EPHB2: variants seen among roughly 807,000 people sequenced by gnomAD.
The protein encoded by EPHB2 is EPH receptor B2.
EPHB2 carries 18 observed loss-of-function variants against 96.4 expected under a neutral mutation model. The observed-to-expected ratio is 0.19, with a 90% CI of 0.13 to 0.28. EPHB2 has a LOEUF of 0.28. Ranked by LOEUF, EPHB2 falls within the 10% of genes least tolerant of loss-of-function variation. The pLI is 1.00. For synonymous variants in EPHB2, 506 were observed against 534.1 expected (o/e 0.95, Z 0.72); for missense variants, 989 against 1,355.4 (o/e 0.73, Z 4.25).
chr1:22,790,615 G>T lies in EPHB2; in HGVS notation c.811+5539G>T, dbSNP rs1392789504. On this transcript the variant is annotated intron_variant, in intron 3 of 15. Transcript: ENST00000374630. This position sits in a 1 kb window ranked among gnomAD's most constrained non-coding sequence, Gnocchi z 4.0. ...CCTTGGTCTCTCCTTACCCACCTCA[G>T]TCCCACTTCTGCCTGCCCAGCAGGA... Among the ~76,000 whole-genome samples, 1 of 152,126 alleles carries T rather than the reference G, an allele frequency of 6.6e-6. No homozygotes were observed. The highest frequency in any genetic ancestry group is 2.4e-5 in the African/African-American group (1 of 41,408).
chr1:22,892,811 C>G, intron 6 of EPHB2, 73 bp from the exon 7 acceptor site: 1 of 1,593,956 alleles, frequency 6.3e-7, no homozygotes, highest in East Asian at 2.2e-5. Context: ...CCCAATGTGG[C>G]AGGAGCAGGC....
In EPHB2 at chr1:22,913,989, T is replaced by C. The variant is rs1640198741; in HGVS notation, c.*419T>C. The C allele has an allele frequency of 7.4e-7, 1 of 1,358,118 alleles. No homozygotes were observed. The highest frequency in any genetic ancestry group is 1.5e-5 in the African/African-American group (1 of 67,672). 84.1% of individuals were successfully genotyped at this position (1,358,118 alleles called of 1,614,324 possible). Reference sequence around the variant, plus strand: ...AGAAACACTTTCAGAAAAACAAATGTGAAGGGGAGAGACAGGGGCCGCCCT... The same window carrying C: ...AGAAACACTTTCAGAAAAACAAATGCGAAGGGGAGAGACAGGGGCCGCCCT... On this transcript the variant is annotated 3_prime_UTR_variant, in exon 16 of 16. Transcript: ENST00000374630. The surrounding 1 kb of genome is among the most constrained non-coding windows in gnomAD (Gnocchi z 4.1).
chr1:22,731,568 G>A (rs547511952), intron 1 of EPHB2, among the ~76,000 whole-genome samples: 30 of 152,284 alleles, frequency 2.0e-4, no homozygotes, highest in Non-Finnish European at 3.2e-4. Flanking sequence ...GGCTAGGCGC[G>A]GTGGCTCATG....
chr1:22,885,012 G>A (rs1639177947), intron 6 of EPHB2, among the ~76,000 whole-genome samples: 1 of 152,126 alleles, frequency 6.6e-6, no homozygotes, highest in South Asian at 2.1e-4. Flanking sequence ...AGGTACTCAA[G>A]AGCTGTTTGT....
intron 1 of EPHB2, among the ~76,000 whole-genome samples, chr1:22,760,154 C>G: frequency 6.6e-6 from 1 of 151,968 alleles, no homozygotes. Context: ...AGAGCATAAC[C>G]TGACTCAGTC....
intron 3 of EPHB2, among the ~76,000 whole-genome samples, chr1:22,795,094 C>T (rs1235768119): frequency 6.6e-6 from 1 of 152,192 alleles, no homozygotes; most frequent in Non-Finnish European, 1.5e-5. Flanking sequence ...TGGGCACCCC[C>T]GTCCCTGGGG....
At chr1:22,752,549 TAATAA>T (rs1396783091) in intron 1 of EPHB2, among the ~76,000 whole-genome samples, 4 of 149,930 alleles carry the variant, frequency 2.7e-5, no homozygotes, top group South Asian at 2.1e-4. Context: ...TAAAATAAAA[TAATAA>T]AATAAAATAT....
intron 3 of EPHB2, among the ~76,000 whole-genome samples, chr1:22,800,537 C>T (rs139031840): frequency 4.4e-4 from 67 of 152,300 alleles, no homozygotes; most frequent in African/African-American, 3.1e-4. Context: ...CTGTTGAGTA[C>T]GCTCACTGGG....
At chr1:22,831,240 A>G (rs911023097) in intron 3 of EPHB2, among the ~76,000 whole-genome samples, 4 of 152,180 alleles carry the variant, frequency 2.6e-5, no homozygotes, top group African/African-American at 7.2e-5. Context: ...GGTGATTTAT[A>G]TAGGGCAACT....
In EPHB2 at chr1:22,784,694, C is replaced by A; in HGVS notation, c.429C>A (p.Ala143=). Residue 143 remains alanine, a synonymous_variant, in exon 3 of 16, where the codon GCC becomes GCA. Coordinates refer to ENST00000374630, the MANE Select transcript of EPHB2 (RefSeq NM_017449.5). The surrounding 1 kb of genome is among the most constrained non-coding windows in gnomAD (Gnocchi z 5.1). ...GGGTGAAGGTGGATACCATTGCAGC[C>A]GACGAGAGCTTCTCCCAGGTGGACC... ...NPWVKVDTIA[A]DESFSQVDLG... is the part of the protein sequence containing the mutation. 1 of 1,613,940 alleles carries A rather than the reference C, an allele frequency of 6.2e-7. No homozygotes were observed. Among genetic ancestry groups the A allele is most frequent in the Non-Finnish European group, 8.5e-7 (1 of 1,180,024 alleles).
At position 22,893,051 on chromosome 1, in the gene EPHB2, G is replaced by A. The variant is rs2148566993; in HGVS notation, c.1591+5G>A. ...ACTTCCAGACCATGACAGAAGGTGA[G>A]CAGAGTCCAGCGGGCAAGAGGAGGG... On this transcript the variant is annotated splice_donor_5th_base_variant and intron_variant, in intron 7 of 15. Coordinates refer to ENST00000374630, the MANE Select transcript of EPHB2 (RefSeq NM_017449.5). The A allele has an allele frequency of 6.2e-7, 1 of 1,614,186 alleles. No individual in the cohort carries two copies. The highest frequency in any genetic ancestry group is 1.1e-5 in the South Asian group (1 of 91,070).
chr1:22,879,127 C>T (rs1638943796), intron 5 of EPHB2, among the ~76,000 whole-genome samples: 1 of 152,128 alleles, frequency 6.6e-6, no homozygotes, highest in East Asian at 1.9e-4. Flanking sequence ...GGGTGGGAGG[C>T]ATCTCTCCCA....
chr1:22,907,797 G>A (rs1259268742), intron 11 of EPHB2, among the ~76,000 whole-genome samples, 156 bp from the exon 12 acceptor site: 3 of 152,182 alleles, frequency 2.0e-5, no homozygotes, highest in East Asian at 1.9e-4. Context: ...GGCCTCTGAC[G>A]GGCCTCTCTG....
rs191124214 is a variant in EPHB2, at chr1:22,719,565, G to A, written c.61+8522G>A. 2.0e-5 allele frequency: 3 copies of A among 153,118 alleles called. No individual in the cohort carries two copies. In the East Asian group the frequency reaches 5.8e-4, roughly 30 times the overall value. The allele number at this position is 153,118 out of a possible 1,614,324, so 9.5% of individuals were successfully genotyped here. On this transcript the variant is annotated intron_variant, in intron 1 of 15. Transcript: ENST00000374630. ...ACTTGCAACATACATTTGTCTTGGT[G>A]TGTTGCAAGTCGGTGGAGACGTACC...
intron 3 of EPHB2, among the ~76,000 whole-genome samples, chr1:22,798,060 T>G (rs183593146): frequency 6.6e-6 from 1 of 152,344 alleles, no homozygotes; most frequent in Admixed American, 6.5e-5. Flanking sequence ...CTGCCTGTCT[T>G]TCCCAGGTGG....
At chr1:22,912,058 CTG>C (rs1253155506) in intron 14 of EPHB2, among the ~76,000 whole-genome samples, 2 of 152,248 alleles carry the variant, frequency 1.3e-5, no homozygotes, top group East Asian at 3.9e-4. Context: ...GGAGAGGAAA[CTG>C]TGAATAACCA....
intron 1 of EPHB2, among the ~76,000 whole-genome samples, chr1:22,712,007 C>A (rs568964616): frequency 6.6e-6 from 1 of 152,214 alleles, no homozygotes; most frequent in Admixed American, 6.5e-5. Flanking sequence ...ATGGTTCTCA[C>A]GTGTACTGCA....
At chr1:22,847,838 C>T (rs1433903070) in intron 3 of EPHB2, among the ~76,000 whole-genome samples, 4 of 152,190 alleles carry the variant, frequency 2.6e-5, no homozygotes, top group Non-Finnish European at 5.9e-5. Context: ...CCAGCACATG[C>T]TGTTCTGCCT....
intron 1 of EPHB2, among the ~76,000 whole-genome samples, chr1:22,742,473 C>A (rs934197254): frequency 6.6e-6 from 1 of 151,474 alleles, no homozygotes; most frequent in Non-Finnish European, 1.5e-5. Context: ...TCCAGCCAGA[C>A]TTCCTTCCTT....
Sources: allele counts gnomAD v4.1 joint callset (sites outside exome capture counted in the v4.1 genomes callset), GRCh38; gene constraint gnomAD v4.1.1; non-coding constraint Gnocchi (gnomAD v3.1); transcripts MANE v1.5; gene names NCBI Gene and HGNC (gene_info 2026-07-23, HGNC 2026-07-21).